Variants in GARNL3 observed in about 807,000 individuals in gnomAD.
GARNL3 encodes GTPase activating Rap/RanGAP domain like 3, also known as GTPase-activating Rap/Ran-GAP domain-like protein 3.
A neutral mutation model predicts 125.0 loss-of-function variants in GARNL3; 63 were observed. The ratio of observed to expected loss-of-function variants is 0.50; its 90% CI spans 0.41 to 0.62. The LOEUF (loss-of-function observed/expected upper bound fraction) is 0.62. Ranked by LOEUF, GARNL3 falls within the 20% of genes least tolerant of loss-of-function variation. The pLI, the probability that GARNL3 is intolerant of heterozygous loss-of-function variation, is 0.00. For synonymous variants in GARNL3, 439 were observed against 457.5 expected (o/e 0.96, Z 0.52); for missense variants, 994 against 1,244.0 (o/e 0.80, Z 3.02).
At chr9:127,369,268 C>T (rs532870965) in intron 22 of GARNL3, 4 of 152,332 alleles carry the variant, frequency 2.6e-5, no homozygotes, top group Admixed American at 6.5e-5. Context: ...GAGGAAAGCT[C>T]GGCCAAGAGC....
intron 2 of GARNL3, among the ~76,000 whole-genome samples, chr9:127,256,523 T>C (rs2063498036): frequency 6.6e-6 from 1 of 152,244 alleles, no homozygotes; most frequent in Non-Finnish European, 1.5e-5. Flanking sequence ...TGTGTCTTTC[T>C]TTCCCACTGC....
intron 1 of GARNL3, among the ~76,000 whole-genome samples, chr9:127,269,449 G>A (rs757907186): frequency 3.9e-5 from 6 of 152,140 alleles, no homozygotes; most frequent in Admixed American, 6.5e-5. Context: ...TGGAATTGCC[G>A]GATCATAAGG....
intron 5 of GARNL3, 63 bp from the exon 6 acceptor site, chr9:127,320,652 T>C: frequency 8.5e-7 from 1 of 1,183,058 alleles, no homozygotes; most frequent in Non-Finnish European, 1.2e-6. Context: ...ACAGCTGTGA[T>C]TTTCTAGAAG....
At chr9:127,318,161 A>G in intron 5 of GARNL3, 34 bp downstream of exon 5, 1 of 1,278,058 alleles carries the variant, frequency 7.8e-7, no homozygotes, top group Non-Finnish European at 1.1e-6. Flanking sequence ...CCACACATGG[A>G]TTTGGAGCCC....
intron 6 of GARNL3, among the ~76,000 whole-genome samples, chr9:127,324,821 A>C (rs2065515747): frequency 6.6e-6 from 1 of 152,168 alleles, no homozygotes. Flanking sequence ...GATTCAAAGG[A>C]TTGTTTAGGT....
At chr9:127,259,609 TGGC>T (rs1406992920), upstream of GARNL3, among the ~76,000 whole-genome samples, 2 of 152,180 alleles carry the variant, frequency 1.3e-5, no homozygotes, top group Non-Finnish European at 2.9e-5. Flanking sequence ...GCCTGCTGCT[TGGC>T]CCTGGGTCTC....
In GARNL3 at chr9:127,384,010, G is replaced by A. The variant is rs1832412428; in HGVS notation, c.2269+465G>A. 6.6e-6 allele frequency among the ~76,000 whole-genome samples: 1 copy of A among 152,204 alleles called. No individual in the cohort carries two copies. Among genetic ancestry groups the A allele is most frequent in the Non-Finnish European group, 1.5e-5 (1 of 68,032 alleles). On this transcript the variant is annotated intron_variant, in intron 23 of 27. Coordinates refer to ENST00000373387, the MANE Select transcript of GARNL3 (RefSeq NM_032293.5). The surrounding 1 kb of genome is among the most constrained non-coding windows in gnomAD (Gnocchi z 4.0). ...GTCAGGACATGAGCGGCGATGCTTT[G>A]TGTTTGTGATTCAAGATCCACAACT...
intron 22 of GARNL3, among the ~76,000 whole-genome samples, chr9:127,380,199 TA>T (rs1222423241): frequency 1.7e-5 from 2 of 120,508 alleles, no homozygotes; most frequent in Admixed American, 9.7e-5. Context: ...TCTCAAAAAA[TA>T]TGTGTGTGTG....
intron 26 of GARNL3, among the ~76,000 whole-genome samples, chr9:127,389,984 A>G (rs963070749): frequency 4.0e-5 from 6 of 151,326 alleles, no homozygotes; most frequent in South Asian, 2.1e-4. Flanking sequence ...AAAGCCCCTG[A>G]TAAGTGTGAA....
chr9:127,240,328 G>T (rs994174785), intron 1 of GARNL3, among the ~76,000 whole-genome samples: 2 of 152,076 alleles, frequency 1.3e-5, no homozygotes, highest in African/African-American at 2.4e-5. Context: ...GCCATGCACC[G>T]CCAGCCCTCA....
chr9:127,258,428 C>G (rs1421812113), intron 2 of GARNL3, among the ~76,000 whole-genome samples: 2 of 152,002 alleles, frequency 1.3e-5, no homozygotes. Context: ...TTGCTTGAGC[C>G]CAGGAGTTTG....
At chr9:127,316,277 C>T (rs138330888) in intron 4 of GARNL3, among the ~76,000 whole-genome samples, 4 of 152,142 alleles carry the variant, frequency 2.6e-5, no homozygotes, top group African/African-American at 7.2e-5. Context: ...CAGGGTGGCT[C>T]ATGCCTGTAA....
intron 4 of GARNL3, among the ~76,000 whole-genome samples, chr9:127,317,728 AAACAAAAC>A (rs755253428): frequency 5.9e-4 from 87 of 147,058 alleles, no homozygotes; most frequent in Non-Finnish European, 7.6e-4. Flanking sequence ...AAACAAAACA[AAACAAAAC>A]AACAACAACA....
At chr9:127,336,386 G>A (rs1449177289) in intron 11 of GARNL3, 150 bp downstream of exon 11, 2 of 562,884 alleles carry the variant, frequency 3.6e-6, no homozygotes, top group Non-Finnish European at 6.3e-6. Flanking sequence ...TAAGCATTGT[G>A]TATAGTTCCC....
chr9:127,371,365 T>TGCCTTCCTTC (rs1477057993), intron 22 of GARNL3, among the ~76,000 whole-genome samples: 1 of 152,194 alleles, frequency 6.6e-6, no homozygotes, highest in Non-Finnish European at 1.5e-5. Context: ...TGCCTTCCTC[T>TGCCTTCCTTC]GCCTTCCTTC....
chr9:127,347,859 T>C (rs1170883954), intron 16 of GARNL3, among the ~76,000 whole-genome samples: 1 of 152,110 alleles, frequency 6.6e-6, no homozygotes, highest in Non-Finnish European at 1.5e-5. Context: ...ATCTTAGCAA[T>C]TGGAATATTC....
At chr9:127,349,244 A>G (rs964173156) in intron 17 of GARNL3, among the ~76,000 whole-genome samples, 4 of 152,122 alleles carry the variant, frequency 2.6e-5, no homozygotes, top group African/African-American at 9.7e-5. Flanking sequence ...AGGGTGGGCC[A>G]TAGGTTCTCT....
intron 6 of GARNL3, among the ~76,000 whole-genome samples, chr9:127,323,689 G>A (rs2065471968): frequency 6.6e-6 from 1 of 152,104 alleles, no homozygotes; most frequent in Non-Finnish European, 1.5e-5. Flanking sequence ...ACACTTACAG[G>A]CCACGTGACC....
chr9:127,336,022 C>G, intron 10 of GARNL3, 106 bp from the exon 11 acceptor site: 1 of 785,462 alleles, frequency 1.3e-6, no homozygotes, highest in Non-Finnish European at 2.1e-6. Flanking sequence ...GTTCAGGGCT[C>G]TGTCATAGTG....
Sources: allele counts gnomAD v4.1 joint callset (sites outside exome capture counted in the v4.1 genomes callset), GRCh38; gene constraint gnomAD v4.1.1; non-coding constraint Gnocchi (gnomAD v3.1); transcripts MANE v1.5; gene names NCBI Gene and HGNC (gene_info 2026-07-23, HGNC 2026-07-21).